ECI2: variants seen among roughly 807,000 people sequenced by gnomAD.
The protein encoded by ECI2 is enoyl-CoA delta isomerase 2.
A neutral mutation model predicts 38.4 loss-of-function variants in ECI2; 27 were observed. That is an observed-to-expected ratio of 0.70 (90% CI 0.52 to 0.97). The LOEUF is 0.97. Ranked by LOEUF, ECI2 falls within the 50% of genes least tolerant of loss-of-function variation. The pLI, the probability that ECI2 is intolerant of heterozygous loss-of-function variation, is 0.00. For synonymous variants in ECI2, 168 were observed against 172.0 expected (o/e 0.98, Z 0.18); for missense variants, 470 against 474.4 (o/e 0.99, Z 0.09).
At chr6:4,133,933 A>G (rs1773610390) in intron 1 of ECI2, among the ~76,000 whole-genome samples, 1 of 152,266 alleles carries the variant, frequency 6.6e-6, no homozygotes, top group Admixed American at 6.5e-5. Flanking sequence ...TAAAAGGAAA[A>G]GTAACCATCC....
chr6:4,120,596 G>A (rs1292798190), intron 7 of ECI2, among the ~76,000 whole-genome samples: 3 of 151,924 alleles, frequency 2.0e-5, no homozygotes, highest in Non-Finnish European at 4.4e-5. Context: ...GTGTGGTGGT[G>A]TGCACCTGGA....
chr6:4,120,030 T>C (rs959639064), intron 7 of ECI2, among the ~76,000 whole-genome samples: 3 of 152,252 alleles, frequency 2.0e-5, no homozygotes, highest in Admixed American at 6.5e-5. Flanking sequence ...AGTATTCCTT[T>C]GTATGGATGC....
intron 5 of ECI2, among the ~76,000 whole-genome samples, chr6:4,126,988 C>T (rs1352436230): frequency 6.6e-6 from 1 of 152,194 alleles, no homozygotes; most frequent in Non-Finnish European, 1.5e-5. Context: ...CCACCTGCTC[C>T]AAGGCAATCA....
chr6:4,123,948 G>A (rs1371046339), intron 7 of ECI2, among the ~76,000 whole-genome samples: 1 of 151,492 alleles, frequency 6.6e-6, no homozygotes, highest in Non-Finnish European at 1.5e-5. Context: ...GTGACAGAGT[G>A]AGACTCCCAT....
chr6:4,134,035 A>G (rs1773615342), intron 1 of ECI2, among the ~76,000 whole-genome samples: 1 of 152,236 alleles, frequency 6.6e-6, no homozygotes, highest in East Asian at 1.9e-4. Context: ...AAGTGCATGC[A>G]AGACAGTGGA....
chr6:4,122,826 A>C (rs1053820270), intron 7 of ECI2, among the ~76,000 whole-genome samples: 1 of 152,222 alleles, frequency 6.6e-6, no homozygotes, highest in Non-Finnish European at 1.5e-5. Context: ...TACTCTGTAC[A>C]TTACGTGAAT....
In ECI2 at chr6:4,130,094, T is replaced by C. The variant is rs200279122; in HGVS notation, c.501+278A>G. 3.7e-4 allele frequency: 592 copies of C among 1,609,864 alleles called. 1 individual carries two copies. Among genetic ancestry groups the C allele is most frequent in the Middle Eastern group, 2.4e-3 (11 of 4,646 alleles). On this transcript the variant is annotated intron_variant, in intron 4 of 9. Coordinates refer to ENST00000380118, the MANE Select transcript of ECI2 (RefSeq NM_206836.3). ...GATGGCTTCTATGCAAATTCTCTCATAGCAACATGTTTCATTTATATTCAT... is the reference window on the plus strand; with the variant it reads ...GATGGCTTCTATGCAAATTCTCTCACAGCAACATGTTTCATTTATATTCAT...
rs540031402 is a variant in ECI2, at chr6:4,135,213, G to C, written c.50+298C>G. 1.1e-3 allele frequency: 917 copies of C among 831,288 alleles called. 5 individuals are homozygous for C. The African/African-American group carries it at 0.012, about 11-fold the overall frequency. The allele number at this position is 831,288 out of a possible 1,614,324, so 51.5% of individuals were successfully genotyped here. A position where few individuals can be genotyped will look rare whatever the true frequency, so the allele number is the denominator to read the frequency against. ...GGGGCGGCTCACCCGCCCGGAGTCC[G>C]GCCCCAGGAGGATGGGAGCGTGCGC... On this transcript the variant is annotated intron_variant, in intron 1 of 9. Transcript: ENST00000380118.
At chr6:4,125,485 C>T (rs962707051) in intron 6 of ECI2, 115 bp from the exon 7 acceptor site, 2 of 1,452,330 alleles carry the variant, frequency 1.4e-6, no homozygotes, top group Non-Finnish European at 1.9e-6. Context: ...GTTTCCACAG[C>T]CACCACCAGC....
intron 1 of ECI2, chr6:4,135,189 G>A (rs1200128235): frequency 1.2e-5 from 8 of 667,050 alleles, no homozygotes; most frequent in South Asian, 1.2e-4. Flanking sequence ...TGCTCAGCTG[G>A]GGCGGCTCAC....
chr6:4,133,466 C>G, intron 2 of ECI2, 83 bp downstream of exon 2: 1 of 1,498,198 alleles, frequency 6.7e-7, no homozygotes, highest in Non-Finnish European at 9.0e-7. Flanking sequence ...GTTAAGGCCA[C>G]ATTTTAGTAA....
At chr6:4,127,893 G>C (rs1773280117) in intron 4 of ECI2, 62 bp from the exon 5 acceptor site, 7 of 1,506,632 alleles carry the variant, frequency 4.6e-6, no homozygotes, top group Admixed American at 1.8e-5. Context: ...TCAATCAATG[G>C]ACTCAACAAA....
chr6:4,134,556 T>C (rs554545167), intron 1 of ECI2, among the ~76,000 whole-genome samples: 1 of 152,164 alleles, frequency 6.6e-6, no homozygotes, highest in Non-Finnish European at 1.5e-5. Flanking sequence ...GCAAAAAAGA[T>C]GATTAAAATA....
At chr6:4,124,774 T>G (rs1327885116) in intron 7 of ECI2, among the ~76,000 whole-genome samples, 1 of 152,214 alleles carries the variant, frequency 6.6e-6, no homozygotes, top group Non-Finnish European at 1.5e-5. Context: ...CTGAATTGTG[T>G]TCTGGGCAAG....
At chr6:4,118,180 G>A (rs2326407) in intron 8 of ECI2, 19,062 of 152,190 alleles carry the variant, frequency 0.13, 1,641 homozygotes, top group African/African-American at 0.24. Context: ...ACAGGTGCCC[G>A]CCACCATGCC....
intron 7 of ECI2, 171 bp downstream of exon 7, chr6:4,125,079 G>GA: frequency 8.8e-7 from 1 of 1,137,974 alleles, no homozygotes; most frequent in South Asian, 1.4e-5. Flanking sequence ...AATAATGAAG[G>GA]AAAAATAAAA....
At position 4,130,766 on chromosome 6, in the gene ECI2, C is replaced by A; in HGVS notation, c.312+1G>T. ...AAAAGCACAGTAACTAGTAAACTCA[C>A]CTTGGGCAGGCTGCCAAGGGCATTC... On this transcript the variant is annotated splice_donor_variant, in intron 3 of 9. Coordinates refer to ENST00000380118, the MANE Select transcript of ECI2 (RefSeq NM_206836.3). LOFTEE classifies it high-confidence loss of function. 1 of 1,613,998 alleles carries A rather than the reference C, an allele frequency of 6.2e-7. No individual in the cohort carries two copies. Among genetic ancestry groups the A allele is most frequent in the Non-Finnish European group, 8.5e-7 (1 of 1,179,988 alleles).
intron 2 of ECI2, among the ~76,000 whole-genome samples, chr6:4,131,133 C>T (rs1254054396): frequency 1.3e-5 from 2 of 151,394 alleles, no homozygotes; most frequent in Non-Finnish European, 2.9e-5. Context: ...CTAAAAAAAT[C>T]TAATGGTTCA....
At chr6:4,121,227 A>T (rs762694729) in intron 7 of ECI2, among the ~76,000 whole-genome samples, 1 of 152,212 alleles carries the variant, frequency 6.6e-6, no homozygotes, top group Non-Finnish European at 1.5e-5. Context: ...CTTACCATGT[A>T]CTTATTAGAC....
Sources: gnomAD v4.1 joint callset for allele counts (sites outside exome capture counted in the v4.1 genomes callset) on GRCh38, gnomAD v4.1.1 for gene constraint, MANE v1.5 for transcripts, NCBI Gene and HGNC (gene_info 2026-07-23, HGNC 2026-07-21) for gene names.